TSNARE1: variants seen among roughly 807,000 people sequenced by gnomAD.
The protein encoded by TSNARE1 is t-SNARE domain-containing protein 1.
Under a neutral mutation model 62.0 loss-of-function variants are expected in TSNARE1, and 49 were observed. That is an observed-to-expected ratio of 0.79 (90% CI 0.63 to 1.00). The LOEUF (loss-of-function observed/expected upper bound fraction) is 1.00, where lower values mean the gene tolerates loss of function less well. Among genes scored for constraint, TSNARE1 ranks in the 50% least tolerant of loss-of-function variants. The pLI is 0.00. For missense variants in TSNARE1, 755 were observed against 700.1 expected, an observed-to-expected ratio of 1.08 and a Z score of -0.88; for synonymous variants, 328 against 294.4, an observed-to-expected ratio of 1.11 and a Z score of -1.17.
chr8:142,340,093 C>T (rs552581704), intron 4 of TSNARE1, among the ~76,000 whole-genome samples: 92 of 152,340 alleles, frequency 6.0e-4, no homozygotes, highest in Non-Finnish European at 1.0e-3. Context: ...CCTCATGCTC[C>T]AGGAAGGCGG....
intron 9 of TSNARE1, 118 bp downstream of exon 9, chr8:142,314,266 G>A (rs1182768980): frequency 2.0e-5 from 17 of 870,790 alleles, no homozygotes; most frequent in Non-Finnish European, 2.9e-5. Flanking sequence ...GCCTCAGGGC[G>A]CCCCTCAGAT....
intron 1 of TSNARE1, among the ~76,000 whole-genome samples, chr8:142,356,358 C>A (rs1229950309): frequency 6.6e-6 from 1 of 152,212 alleles, no homozygotes; most frequent in African/African-American, 2.4e-5. Flanking sequence ...CCCCTCTCTG[C>A]ACGCTGCCTG....
At chr8:142,391,978 C>T (rs1454155491) in intron 1 of TSNARE1, among the ~76,000 whole-genome samples, 2 of 152,216 alleles carry the variant, frequency 1.3e-5, no homozygotes, top group Non-Finnish European at 2.9e-5. Context: ...CCAGGGATCC[C>T]GTGACAACAC....
chr8:142,402,582 C>A (rs1215194624), intron 1 of TSNARE1, among the ~76,000 whole-genome samples: 1 of 152,246 alleles, frequency 6.6e-6, no homozygotes, highest in African/African-American at 2.4e-5. Context: ...CCAGGAAGCA[C>A]CTTCTTACAA....
At chr8:142,304,359 T>C (rs866576837) in intron 9 of TSNARE1, among the ~76,000 whole-genome samples, 16 of 152,312 alleles carry the variant, frequency 1.1e-4, no homozygotes, top group Middle Eastern at 6.8e-3. Flanking sequence ...GGCCCAGCAG[T>C]GGTGCCGGCT....
chr8:142,350,043 T>G (rs1273779908), intron 2 of TSNARE1, among the ~76,000 whole-genome samples: 17 of 78,286 alleles, frequency 2.2e-4, no homozygotes, highest in East Asian at 7.9e-4. Context: ...CGGGCAGGGC[T>G]GGGACCAGGG....
At chr8:142,315,622 G>A (rs969532432) in intron 7 of TSNARE1, among the ~76,000 whole-genome samples, 10 of 151,794 alleles carry the variant, frequency 6.6e-5, no homozygotes, top group Admixed American at 2.0e-4. Flanking sequence ...GCACGGAGCC[G>A]GGGTGGGGCT....
chr8:142,248,941 C>A (rs945997593), intron 12 of TSNARE1, among the ~76,000 whole-genome samples: 1 of 152,242 alleles, frequency 6.6e-6, no homozygotes, highest in Admixed American at 6.5e-5. Flanking sequence ...CCACTACCCA[C>A]GCCTCCTCCA....
At chr8:142,379,543 T>C (rs746692219) in intron 1 of TSNARE1, among the ~76,000 whole-genome samples, 3 of 152,210 alleles carry the variant, frequency 2.0e-5, no homozygotes, top group African/African-American at 4.8e-5. Flanking sequence ...GAGGCCCACT[T>C]GTCCTTACAC....
intron 9 of TSNARE1, among the ~76,000 whole-genome samples, chr8:142,304,776 G>A (rs934240560): frequency 1.3e-5 from 2 of 152,234 alleles, no homozygotes; most frequent in Non-Finnish European, 2.9e-5. Flanking sequence ...TGGGAAACCA[G>A]GTTGAGCTGT....
intron 11 of TSNARE1, chr8:142,277,997 A>G: frequency 1.0e-6 from 1 of 985,380 alleles, no homozygotes; most frequent in Non-Finnish European, 1.2e-6. Flanking sequence ...GGCTGCAAGA[A>G]TCTGCCCTTC....
chr8:142,347,694 A>T (rs1833555801), intron 2 of TSNARE1, among the ~76,000 whole-genome samples: 1 of 145,272 alleles, frequency 6.9e-6, no homozygotes, highest in Non-Finnish European at 1.5e-5. Flanking sequence ...AGGACACGCC[A>T]TCACCTCGCC....
intron 12 of TSNARE1, among the ~76,000 whole-genome samples, chr8:142,268,061 A>C (rs1232069494): frequency 6.6e-6 from 1 of 152,184 alleles, no homozygotes; most frequent in Non-Finnish European, 1.5e-5. Flanking sequence ...ATCTGAGGGC[A>C]ACACTCCTGG....
At chr8:142,397,015 C>T (rs1837940344) in intron 1 of TSNARE1, among the ~76,000 whole-genome samples, 2 of 150,074 alleles carry the variant, frequency 1.3e-5, no homozygotes, top group African/African-American at 4.9e-5. Flanking sequence ...GGGCTGCACT[C>T]CCTGACCTTC....
At chr8:142,329,400 C>T (rs922136784) in intron 6 of TSNARE1, among the ~76,000 whole-genome samples, 41 of 152,330 alleles carry the variant, frequency 2.7e-4, no homozygotes, top group African/African-American at 9.1e-4. Flanking sequence ...CTAACCAGGC[C>T]GGGCGGCCCA....
At chr8:142,255,522 C>T (rs1418884913) in intron 12 of TSNARE1, among the ~76,000 whole-genome samples, 3 of 60,238 alleles carry the variant, frequency 5.0e-5, no homozygotes, top group African/African-American at 8.2e-5. Flanking sequence ...CCATCACCAC[C>T]ACCACCACCA....
chr8:142,350,346 A>G (rs1833946729), intron 2 of TSNARE1, among the ~76,000 whole-genome samples: 2 of 152,258 alleles, frequency 1.3e-5, no homozygotes, highest in Non-Finnish European at 2.9e-5. Context: ...CAGTAAGTTG[A>G]ACATTTAGAT....
At chr8:142,394,008 A>G (rs985449645) in intron 1 of TSNARE1, among the ~76,000 whole-genome samples, 18 of 152,214 alleles carry the variant, frequency 1.2e-4, no homozygotes, top group African/African-American at 4.3e-4. Context: ...GTTCATTACG[A>G]AAGCAAAACC....
intron 9 of TSNARE1, among the ~76,000 whole-genome samples, chr8:142,304,366 G>A (rs979896959): frequency 5.3e-5 from 8 of 152,190 alleles, no homozygotes; most frequent in Admixed American, 3.3e-4. Flanking sequence ...CAGTGGTGCC[G>A]GCTGTGAGGC....
Sources: allele counts gnomAD v4.1 joint callset (sites outside exome capture counted in the v4.1 genomes callset), GRCh38; gene constraint gnomAD v4.1.1; transcripts MANE v1.5; gene names NCBI Gene and HGNC (gene_info 2026-07-23, HGNC 2026-07-21).